Variants in RGS7 observed in about 807,000 individuals in gnomAD.
RGS7 encodes regulator of G protein signaling 7, also known as regulator of G-protein signaling 7.
RGS7 carries 27 observed loss-of-function variants against 81.1 expected under a neutral mutation model. The ratio of observed to expected loss-of-function variants is 0.33; its 90% confidence interval spans 0.25 to 0.46. The LOEUF (loss-of-function observed/expected upper bound fraction) is 0.46, where lower values mean the gene tolerates loss of function less well. RGS7 is among the 20% of genes least tolerant of loss of function. The pLI is 1.00. For missense variants in RGS7, 396 were observed against 607.4 expected, an observed-to-expected ratio of 0.65 and a Z score of 3.66; for synonymous variants, 208 against 207.7, an observed-to-expected ratio of 1.00 and a Z score of -0.01.
At chr1:240,955,551 C>CAAAAAAAAAAAAAAAAAAAAAAAAAA (rs369155474) in intron 4 of RGS7, among the ~76,000 whole-genome samples, 9 of 140,310 alleles carry the variant, frequency 6.4e-5, no homozygotes, top group Non-Finnish European at 4.6e-5. Context: ...GACTCTGTCT[C>CAAAAAAAAAAAAAAAAAAAAAAAAAA]AAAAAAAAAA....
intron 2 of RGS7, among the ~76,000 whole-genome samples, chr1:241,187,014 T>G (rs2072183835): frequency 6.6e-6 from 1 of 152,190 alleles, no homozygotes; most frequent in Admixed American, 6.5e-5. Flanking sequence ...AAATCCTACA[T>G]ACTTCTCCAG....
chr1:241,254,198 C>CAAAA (rs57205542), intron 2 of RGS7, among the ~76,000 whole-genome samples: 22 of 64,068 alleles, frequency 3.4e-4, no homozygotes, highest in Admixed American at 8.8e-4. Context: ...GACTCCATCT[C>CAAAA]AAAAAAAAAA....
At chr1:241,070,684 T>C (rs1261880547) in intron 3 of RGS7, among the ~76,000 whole-genome samples, 1 of 152,120 alleles carries the variant, frequency 6.6e-6, no homozygotes, top group Non-Finnish European at 1.5e-5. Flanking sequence ...CCAGAGACAG[T>C]GCAGGGAGGC....
At chr1:240,973,459 G>A (rs12736710) in intron 4 of RGS7, among the ~76,000 whole-genome samples, 55,115 of 151,342 alleles carry the variant, frequency 0.36, 11,400 homozygotes, top group East Asian at 0.62. Context: ...ACAGTGAGCC[G>A]AGATCACGCC....
intron 2 of RGS7, among the ~76,000 whole-genome samples, chr1:241,210,671 C>T (rs1407260004): frequency 2.0e-5 from 3 of 152,088 alleles, no homozygotes; most frequent in Non-Finnish European, 2.9e-5. Flanking sequence ...ATGACTTTCC[C>T]AGATTACAAA....
intron 2 of RGS7, among the ~76,000 whole-genome samples, chr1:241,211,776 G>C (rs1473002911): frequency 6.6e-6 from 1 of 152,182 alleles, no homozygotes; most frequent in Non-Finnish European, 1.5e-5. Flanking sequence ...AAGGAAACTG[G>C]ACAAAGAGTT....
At chr1:240,876,754 AG>A (rs1665487528) in intron 6 of RGS7, among the ~76,000 whole-genome samples, 2 of 152,158 alleles carry the variant, frequency 1.3e-5, no homozygotes, top group African/African-American at 4.8e-5. Context: ...TGAGCTCAGG[AG>A]TTTAAGACCA....
At chr1:240,858,071 G>T (rs1001054795) in intron 9 of RGS7, among the ~76,000 whole-genome samples, 4 of 152,072 alleles carry the variant, frequency 2.6e-5, no homozygotes, top group Non-Finnish European at 4.4e-5. Context: ...ACCCAGTCTT[G>T]GGTATGTCTT....
rs74958624 is a variant in RGS7 at position 241,342,520 on chromosome 1, G to A, written c.78+13179C>T. ...GGAGCTCAGTTCATCTTTCCTCAGCGGATAGTGAGCTAATAAGTAAATGTA... is the reference window on the plus strand; with the variant it reads ...GGAGCTCAGTTCATCTTTCCTCAGCAGATAGTGAGCTAATAAGTAAATGTA... On this transcript the variant is annotated intron_variant, in intron 2 of 18. Transcript: ENST00000440928. Among the ~76,000 whole-genome samples, 749 of 152,224 alleles carry A rather than the reference G, an allele frequency of 4.9e-3. 7 individuals are homozygous for A. The highest frequency in any genetic ancestry group is 0.01 in the African/African-American group (417 of 41,534).
chr1:240,839,410 T>C (rs141867346), intron 9 of RGS7, among the ~76,000 whole-genome samples: 75 of 152,308 alleles, frequency 4.9e-4, no homozygotes, highest in Middle Eastern at 6.8e-3. Context: ...GAGTTTTGGA[T>C]AGAATTAGAC....
intron 2 of RGS7, among the ~76,000 whole-genome samples, chr1:241,128,658 T>C (rs1377606691): frequency 3.3e-5 from 5 of 151,688 alleles, no homozygotes; most frequent in Admixed American, 6.6e-5. Context: ...ACAGTATATG[T>C]ATATATGTAA....
intron 2 of RGS7, among the ~76,000 whole-genome samples, chr1:241,237,872 G>T (rs1045612741): frequency 6.6e-6 from 1 of 152,204 alleles, no homozygotes; most frequent in African/African-American, 2.4e-5. Context: ...CTTTGGGAAA[G>T]AAATCTTTTC....
At chr1:241,181,177 A>G (rs113718508) in intron 2 of RGS7, among the ~76,000 whole-genome samples, 235 of 152,320 alleles carry the variant, frequency 1.5e-3, no homozygotes, top group African/African-American at 5.2e-3. Flanking sequence ...GTACAACACC[A>G]AGAGGGAACC....
intron 2 of RGS7, among the ~76,000 whole-genome samples, chr1:241,219,353 A>T (rs1299427805): frequency 6.6e-6 from 1 of 152,198 alleles, no homozygotes; most frequent in East Asian, 1.9e-4. Flanking sequence ...CATCCATATA[A>T]GACGTGACGT....
intron 2 of RGS7, among the ~76,000 whole-genome samples, chr1:241,267,600 T>C (rs1042369199): frequency 2.0e-5 from 3 of 152,198 alleles, no homozygotes; most frequent in African/African-American, 7.2e-5. Flanking sequence ...TCTCTCTCTA[T>C]ACGTAGAACT....
rs1392003565 is a variant in RGS7, at chr1:240,814,730, T to C, written c.831A>G (p.Ser277=). The stretch of plus-strand genomic sequence containing the variant: ...GAAATACTCACCTGTCAGCGACTTT[T>C]GACATTTTTAACCGATGTCTATCTA... ...IQLDRHRLKM[S]KVADSLLSYT... Residue 277 remains serine, a synonymous_variant, in exon 12 of 19, where the codon TCA becomes TCG. Coordinates refer to ENST00000440928, the MANE Select transcript of RGS7 (RefSeq NM_001364886.1). The C allele has an allele frequency of 1.9e-6, 3 of 1,600,026 alleles. No individual in the cohort carries two copies. Among genetic ancestry groups the C allele is most frequent in the African/African-American group, 2.7e-5 (2 of 74,676 alleles).
chr1:240,857,289 C>T (rs1046636889), intron 9 of RGS7, among the ~76,000 whole-genome samples: 8 of 151,946 alleles, frequency 5.3e-5, no homozygotes, highest in Admixed American at 4.6e-4. Context: ...AGAGAATTCC[C>T]GTATGTCCCC....
intron 2 of RGS7, among the ~76,000 whole-genome samples, chr1:241,189,893 A>G (rs2072466889): frequency 1.3e-5 from 2 of 151,962 alleles, no homozygotes; most frequent in South Asian, 4.1e-4. Context: ...AGGCGGGCGG[A>G]TCACAAGGTC....
intron 2 of RGS7, among the ~76,000 whole-genome samples, chr1:241,276,190 A>G (rs2078185955): frequency 6.6e-6 from 1 of 152,238 alleles, no homozygotes; most frequent in Non-Finnish European, 1.5e-5. Context: ...TAACTGAAGT[A>G]TGAGTCAGAC....
Sources: allele counts gnomAD v4.1 joint callset (sites outside exome capture counted in the v4.1 genomes callset), GRCh38; gene constraint gnomAD v4.1.1; transcripts MANE v1.5; gene names NCBI Gene and HGNC (gene_info 2026-07-23, HGNC 2026-07-21).